The following PUDP variants were observed in gnomAD, a reference collection of about 807,000 sequenced individuals.
The protein encoded by PUDP is pseudouridine-5'-phosphatase.
A neutral mutation model predicts 9.4 loss-of-function variants in PUDP; 8 were observed. The observed-to-expected ratio is 0.85, with a 90% CI of 0.50 to 1.53. The LOEUF (loss-of-function observed/expected upper bound fraction) is 1.53. Ranked by LOEUF, PUDP falls within the 40% of genes most tolerant of loss-of-function variation. PUDP has a pLI of 0.00. For synonymous variants in PUDP, 99 were observed against 80.7 expected, an observed-to-expected ratio of 1.23 and a Z score of -1.22; for missense variants, 188 against 189.7, an observed-to-expected ratio of 0.99 and a Z score of 0.05.
At chrX:6,992,012 G>C (rs1341695534) in intron 1 of PUDP, among the ~76,000 whole-genome samples, 4 of 110,875 alleles carry the variant, frequency 3.6e-5, no homozygotes, top group African/African-American at 1.3e-4. Context: ...GATGCATGAG[G>C]TCTAAATGTT....
intron 3 of PUDP, among the ~76,000 whole-genome samples, chrX:6,921,904 AT>A (rs1456166219): frequency 9.0e-6 from 1 of 111,443 alleles, no homozygotes; most frequent in Non-Finnish European, 1.9e-5. Flanking sequence ...CCCCGGGCTC[AT>A]CTGTCAAACC....
intron 1 of PUDP, among the ~76,000 whole-genome samples, chrX:7,134,977 G>A (rs1451134760): frequency 1.8e-5 from 2 of 112,167 alleles, no homozygotes; most frequent in African/African-American, 3.2e-5. Context: ...TGCAATTGAG[G>A]TAAATAAGGG....
At position 6,885,441 on chromosome X, in the gene PUDP, T is replaced by G. The variant is rs779563743; in HGVS notation, c.*247+91692A>C. Reference sequence around the variant, plus strand: ...TGATGTACCCGTGAGAAGAGAGAGTTACAGGTTATTTCTAAAGGGTGTTAT... The same window carrying G: ...TGATGTACCCGTGAGAAGAGAGAGTGACAGGTTATTTCTAAAGGGTGTTAT... On this transcript the variant is annotated intron_variant and NMD_transcript_variant, in intron 3 of 3. Transcript: ENST00000655425. Among the ~76,000 whole-genome samples, 47 of 112,054 alleles carry G rather than the reference T, an allele frequency of 4.2e-4. No homozygotes were observed. In the South Asian group the frequency reaches 5.3e-3, roughly 13 times the overall value.
In PUDP at chrX:6,898,322, G is replaced by A. The variant is rs774743409; in HGVS notation, c.*247+78811C>T. On this transcript the variant is annotated intron_variant and NMD_transcript_variant, in intron 3 of 3. Transcript: ENST00000655425. ...TTCAACTCAACTCTGTTTTTCTTTC[G>A]GCAAAAGACATGTCAAGATTCATCG... 6.8e-4 allele frequency among the ~76,000 whole-genome samples: 76 copies of A among 112,555 alleles called. 1 individual carries two copies. The highest frequency in any genetic ancestry group is 1.3e-3 in the Non-Finnish European group (69 of 53,279).
At position 7,077,389 on chromosome X, in the gene PUDP, C is replaced by A; in HGVS notation, c.341G>T (p.Ser114Ile). The change falls in exon 3 of 4, where the codon AGC becomes ATC. Residue 114 changes from serine to isoleucine, a missense_variant. By Grantham distance (142) the Ser-to-Ile change is moderately radical. Transcript: ENST00000381077. Reference protein sequence around the residue: ...KHGIPFALATSSGSASFDMKT... With the variant: ...KHGIPFALATISGSASFDMKT... Reference sequence around the variant, plus strand: ...CATATCGAACGACGCGGACCCCGAGCTGGTGGCCAGTGCAAAGGGGATGCC... The same window carrying A: ...CATATCGAACGACGCGGACCCCGAGATGGTGGCCAGTGCAAAGGGGATGCC... 8.3e-7 allele frequency: 1 copy of A among 1,211,134 alleles called. No homozygotes were observed. The highest frequency in any genetic ancestry group is 1.7e-5 in the African/African-American group (1 of 57,743).
At chrX:6,967,919 A>G (rs1928811356) in intron 3 of PUDP, among the ~76,000 whole-genome samples, 1 of 112,392 alleles carries the variant, frequency 8.9e-6, no homozygotes, top group Admixed American at 9.4e-5. Flanking sequence ...CACACCCAGA[A>G]GGAAAGAGCG....
intron 3 of PUDP, among the ~76,000 whole-genome samples, chrX:7,067,767 A>G (rs1298129732): frequency 1.8e-5 from 2 of 111,333 alleles, no homozygotes; most frequent in Admixed American, 1.9e-4. Context: ...CTGTGTCCCT[A>G]CCCAAATCTC....
intron 1 of PUDP, among the ~76,000 whole-genome samples, chrX:7,038,998 T>C (rs992449577): frequency 1.8e-5 from 2 of 111,507 alleles, no homozygotes; most frequent in Admixed American, 9.5e-5. Flanking sequence ...GGCACAATCA[T>C]AGCTCACTGC....
At chrX:6,744,999 G>C (rs1321235391) in intron 3 of PUDP, among the ~76,000 whole-genome samples, 1 of 111,909 alleles carries the variant, frequency 8.9e-6, no homozygotes, top group Non-Finnish European at 1.9e-5. Flanking sequence ...TCTGCCACCA[G>C]TCAGCAACTA....
intron 3 of PUDP, among the ~76,000 whole-genome samples, chrX:6,958,514 C>G (rs1032099895): frequency 9.0e-6 from 1 of 111,298 alleles, no homozygotes; most frequent in East Asian, 2.8e-4. Flanking sequence ...GGAGGAAAGT[C>G]TTTGAAGAGG....
chrX:7,034,935 G>A (rs1218141597), intron 1 of PUDP, among the ~76,000 whole-genome samples: 2 of 111,928 alleles, frequency 1.8e-5, no homozygotes, highest in Non-Finnish European at 3.8e-5. Flanking sequence ...AATTTTATTA[G>A]GGGATACATT....
chrX:7,081,544 C>G (rs1443494368), intron 2 of PUDP, among the ~76,000 whole-genome samples: 2 of 112,594 alleles, frequency 1.8e-5, no homozygotes, highest in African/African-American at 3.2e-5. Context: ...ACCAATGTGT[C>G]TAGACTGGAA....
At chrX:6,932,253 G>C (rs1412154653) in intron 3 of PUDP, among the ~76,000 whole-genome samples, 4 of 111,375 alleles carry the variant, frequency 3.6e-5, no homozygotes, top group African/African-American at 6.5e-5. Context: ...CCTGTGCTCC[G>C]TCATCTGTTA....
chrX:7,062,411 G>C (rs1278845918), intron 3 of PUDP, among the ~76,000 whole-genome samples: 1 of 111,794 alleles, frequency 8.9e-6, no homozygotes, highest in Non-Finnish European at 1.9e-5. Flanking sequence ...TTTCTGGTCA[G>C]AGGCAGGTCA....
rs183805473 is a variant in PUDP at position 6,801,020 on chromosome X, A to G, written c.*248-94554T>C. ...TTTGAGTCTGATGGATGGAGGACTC[A>G]GCCTGCTGACAGAGCCCGCGAAGAC... On this transcript the variant is annotated intron_variant and NMD_transcript_variant, in intron 3 of 3. Coordinates refer to the PUDP transcript ENST00000655425. Among the ~76,000 whole-genome samples the G allele has an allele frequency of 1.9e-3, 213 of 111,953 alleles. 1 individual carries two copies. The highest frequency in any genetic ancestry group is 6.7e-3 in the African/African-American group (208 of 30,831).
Position 6,751,749 on chromosome X carries a change from A to G in PUDP, c.*248-45283T>C, listed in dbSNP as rs527410026. Reference sequence around the variant, plus strand: ...TCACCTCAGAAATCCTCATATTTGTATGAATGATATTTTGAGTGCAAAAAC... The same window carrying G: ...TCACCTCAGAAATCCTCATATTTGTGTGAATGATATTTTGAGTGCAAAAAC... On this transcript the variant is annotated intron_variant and NMD_transcript_variant, in intron 3 of 3. Coordinates refer to the PUDP transcript ENST00000655425. 3.6e-5 allele frequency among the ~76,000 whole-genome samples: 4 copies of G among 111,622 alleles called. No individual in the cohort carries two copies. In the East Asian group the frequency reaches 1.1e-3, roughly 31 times the overall value.
At chrX:6,749,484 G>A (rs956436552) in intron 3 of PUDP, among the ~76,000 whole-genome samples, 3 of 111,269 alleles carry the variant, frequency 2.7e-5, no homozygotes, top group South Asian at 7.7e-4. Context: ...AGGAGAGGAC[G>A]GTAACTGAAG....
chrX:7,051,411 TACATACTGGGTACAGTGC>T (rs950715145), intron 3 of PUDP, among the ~76,000 whole-genome samples: 2 of 111,257 alleles, frequency 1.8e-5, no homozygotes, highest in African/African-American at 6.5e-5. Flanking sequence ...AAGAAAAGAC[TACATACTGGGTACAGTGC>T]ACACTGTTCG....
At chrX:7,044,458 A>G (rs937055429), downstream of PUDP, among the ~76,000 whole-genome samples, 5 of 112,624 alleles carry the variant, frequency 4.4e-5, no homozygotes, top group African/African-American at 1.6e-4. Context: ...AATTACCAAG[A>G]AAAGTATTTC....
Sources: allele counts gnomAD v4.1 joint callset (sites outside exome capture counted in the v4.1 genomes callset), GRCh38; gene constraint gnomAD v4.1.1; transcripts MANE v1.5; gene names NCBI Gene and HGNC (gene_info 2026-07-23, HGNC 2026-07-21).